Variants in USP40 observed in about 807,000 individuals in gnomAD.
USP40 encodes ubiquitin carboxyl-terminal hydrolase 40.
USP40 carries 143 observed loss-of-function variants against 166.2 expected under a neutral mutation model. The ratio of observed to expected loss-of-function variants is 0.86; its 90% confidence interval spans 0.75 to 0.99. The LOEUF (loss-of-function observed/expected upper bound fraction) is 0.99, where lower values mean the gene tolerates loss of function less well. Among genes scored for constraint, USP40 ranks in the 50% least tolerant of loss-of-function variants. USP40 has a pLI of 0.00. For synonymous variants in USP40, 498 were observed against 524.0 expected (o/e 0.95, Z 0.68); for missense variants, 1,444 against 1,479.7 (o/e 0.98, Z 0.40).
chr2:233,538,279 G>T (rs1392368916), intron 10 of USP40, among the ~76,000 whole-genome samples: 1 of 152,036 alleles, frequency 6.6e-6, no homozygotes, highest in Non-Finnish European at 1.5e-5. Flanking sequence ...TTCAAACACA[G>T]CCATATCAAT....
chr2:233,529,935 G>C (rs920393214), intron 11 of USP40, among the ~76,000 whole-genome samples: 1 of 151,296 alleles, frequency 6.6e-6, no homozygotes, highest in Non-Finnish European at 1.5e-5. Flanking sequence ...GAGTAGCTGG[G>C]ATTACAGGCT....
intron 11 of USP40, among the ~76,000 whole-genome samples, chr2:233,531,901 CAGG>C (rs943675230): frequency 1.3e-5 from 2 of 152,158 alleles, no homozygotes; most frequent in African/African-American, 4.8e-5. Context: ...CCCAGTGAGG[CAGG>C]AGAATAGGGT....
At chr2:233,514,791 T>C (rs1264777694) in intron 18 of USP40, among the ~76,000 whole-genome samples, 4 of 152,182 alleles carry the variant, frequency 2.6e-5, no homozygotes, top group Admixed American at 2.6e-4. Flanking sequence ...TATAATAAAA[T>C]ACATCTGGTT....
intron 15 of USP40, among the ~76,000 whole-genome samples, chr2:233,524,283 C>A (rs963824621): frequency 6.6e-6 from 1 of 152,134 alleles, no homozygotes; most frequent in African/African-American, 2.4e-5. Flanking sequence ...GCATACGCTA[C>A]CATGCCTAGC....
intron 4 of USP40, among the ~76,000 whole-genome samples, chr2:233,558,093 A>G (rs995877889): frequency 1.3e-5 from 2 of 151,934 alleles, no homozygotes; most frequent in Non-Finnish European, 2.9e-5. Flanking sequence ...CTTTTAAAAT[A>G]CAAGACCCTC....
In USP40 at chr2:233,559,815, T is replaced by C. The variant is rs772156916; in HGVS notation, c.377A>G (p.Asn126Ser). 4 of 1,605,196 alleles carry C rather than the reference T, an allele frequency of 2.5e-6. No homozygotes were observed. In the South Asian group the frequency reaches 3.4e-5, roughly 14 times the overall value. Residue 126 changes from asparagine to serine, a missense_variant, in exon 4 of 32, where the codon AAT becomes AGT. Transcript: ENST00000678225. ...DLTDSFGWTS[N>S]EEMRQHDVQE... ...TTAAAGAGCTGATCCTCGTACCTCATTACTGGTCCACCCAAAGCTGTCAGT... is the reference window on the plus strand; with the variant it reads ...TTAAAGAGCTGATCCTCGTACCTCACTACTGGTCCACCCAAAGCTGTCAGT...
chr2:233,550,375 A>G lies in USP40; in HGVS notation c.837+1001T>C, dbSNP rs1182163134. ...TATGTTAAAAATCATGTGACAAACT[A>G]TCTTTTATAAAACAAGAAACAATTA... is the stretch of plus-strand genomic sequence containing the variant. On this transcript the variant is annotated intron_variant, in intron 7 of 31. Transcript: ENST00000678225. Among the ~76,000 whole-genome samples, 3 of 152,288 alleles carry G rather than the reference A, an allele frequency of 2.0e-5. No individual in the cohort carries two copies. In the South Asian group the frequency reaches 6.2e-4, roughly 32 times the overall value.
intron 11 of USP40, among the ~76,000 whole-genome samples, chr2:233,529,814 C>CTTTTTTTTTTTTTTT (rs369071345): frequency 7.5e-6 from 1 of 133,950 alleles, no homozygotes; most frequent in Non-Finnish European, 1.5e-5. Context: ...TTTTCTTTTT[C>CTTTTTTTTTTTTTTT]TTTTTTTTTT....
intron 21 of USP40, among the ~76,000 whole-genome samples, chr2:233,506,740 CAAAAAAA>C (rs1227656570): frequency 7.4e-5 from 4 of 53,848 alleles, no homozygotes; most frequent in East Asian, 5.6e-4. Flanking sequence ...ACCGAAAATA[CAAAAAAA>C]AAAAAAAAAA....
Position 233,566,741 on chromosome 2 carries a change from A to C in USP40, c.-77T>G, listed in dbSNP as rs1191601397. 4 of 985,918 alleles carry C rather than the reference A, an allele frequency of 4.1e-6. No homozygotes were observed. Among genetic ancestry groups the C allele is most frequent in the Non-Finnish European group, 2.4e-6 (2 of 829,962 alleles). The allele number at this position is 985,918 out of a possible 1,614,324, so 61.1% of individuals were successfully genotyped here. A position where few individuals can be genotyped will look rare whatever the true frequency, so the allele number is the denominator to read the frequency against. ...ACGCGAAGCGAACGAACCCGCCCCA[A>C]CTGGGCGCCGCCATGTTGGCGAGGG... On this transcript the variant is annotated 5_prime_UTR_variant, in exon 1 of 32. Transcript: ENST00000678225.
chr2:233,489,602 G>A lies in USP40; in HGVS notation c.3013-119C>T. ...GCATCTCAAGGAAAGAGTATCTCAA[G>A]TAATGATAACATCATTTTAAAAGTC... On this transcript the variant is annotated intron_variant, in intron 26 of 31. Transcript: ENST00000678225. 5 of 774,168 alleles carry A rather than the reference G, an allele frequency of 6.5e-6. No individual in the cohort carries two copies. The South Asian group carries it at 9.5e-5, about 15-fold the overall frequency. The allele number at this position is 774,168 out of a possible 1,614,324, so 48.0% of individuals were successfully genotyped here. A position where few individuals can be genotyped will look rare whatever the true frequency, so the allele number is the denominator to read the frequency against.
At chr2:233,494,915 C>CATTTTTATATATATATAT (rs1265219527) in intron 24 of USP40, among the ~76,000 whole-genome samples, 1 of 11,370 alleles carries the variant, frequency 8.8e-5, no homozygotes, top group Non-Finnish European at 1.7e-4. Flanking sequence ...AGCAAAATGG[C>CATTTTTATATATATATAT]ATATATATAT....
At chr2:233,534,769 T>C (rs1031053509) in intron 10 of USP40, among the ~76,000 whole-genome samples, 1 of 152,216 alleles carries the variant, frequency 6.6e-6, no homozygotes, top group Non-Finnish European at 1.5e-5. Flanking sequence ...TCATTTTTTG[T>C]TCTTTGGGTT....
At chr2:233,506,896 G>GA (rs1474481672) in intron 21 of USP40, among the ~76,000 whole-genome samples, 5 of 151,298 alleles carry the variant, frequency 3.3e-5, no homozygotes, top group Non-Finnish European at 5.9e-5. Context: ...GGGTGACAGA[G>GA]AAAGACTGTC....
intron 13 of USP40, among the ~76,000 whole-genome samples, chr2:233,525,889 T>C (rs181059253): frequency 4.6e-5 from 7 of 152,204 alleles, no homozygotes; most frequent in African/African-American, 1.7e-4. Context: ...CCTAGGAATT[T>C]TTACTCAAAA....
intron 24 of USP40, among the ~76,000 whole-genome samples, chr2:233,495,275 G>T (rs1467089493): frequency 6.6e-6 from 1 of 151,598 alleles, no homozygotes; most frequent in African/African-American, 2.4e-5. Flanking sequence ...GTGTATGTGT[G>T]GATATATATG....
chr2:233,480,525 C>G lies in USP40; in HGVS notation c.3599+678G>C, dbSNP rs1052697129. Among the ~76,000 whole-genome samples the G allele has an allele frequency of 6.6e-6, 1 of 152,224 alleles. No homozygotes were observed. Among genetic ancestry groups the G allele is most frequent in the African/African-American group, 2.4e-5 (1 of 41,464 alleles). On this transcript the variant is annotated intron_variant, in intron 31 of 31. Transcript: ENST00000678225. The surrounding 1 kb of genome is among the most constrained non-coding windows in gnomAD (Gnocchi z 4.5). ...TGTGGCCTGGAGGCCTGAAGACAGC[C>G]GGCTGGGCACAGAGCCTGTGGCTTG...
intron 2 of USP40, among the ~76,000 whole-genome samples, chr2:233,564,599 T>G (rs978697604): frequency 6.6e-6 from 1 of 152,114 alleles, no homozygotes; most frequent in African/African-American, 2.4e-5. Context: ...TTTAGCTAAT[T>G]TGGGTGGTGG....
intron 10 of USP40, among the ~76,000 whole-genome samples, chr2:233,537,277 G>A (rs2069008058): frequency 6.6e-6 from 1 of 152,120 alleles, no homozygotes; most frequent in Non-Finnish European, 1.5e-5. Flanking sequence ...TCATGAAAGA[G>A]ACTTGAGCAT....
Sources: allele counts gnomAD v4.1 joint callset (sites outside exome capture counted in the v4.1 genomes callset), GRCh38; gene constraint gnomAD v4.1.1; non-coding constraint Gnocchi (gnomAD v3.1); transcripts MANE v1.5; gene names NCBI Gene and HGNC (gene_info 2026-07-23, HGNC 2026-07-21).